The following INTS2 variants were observed in gnomAD, a reference collection of about 807,000 sequenced individuals.
INTS2 encodes the protein KIAA1287.
A neutral mutation model predicts 139.6 loss-of-function variants in INTS2; 57 were observed. The observed-to-expected ratio is 0.41, with a 90% CI of 0.33 to 0.51. INTS2 has a LOEUF of 0.51. INTS2 is among the 20% of genes least tolerant of loss of function. The probability of loss-of-function intolerance (pLI) is 0.28; values close to 1 mark genes in which losing one functional copy is unlikely to be tolerated. For synonymous variants in INTS2, 473 were observed against 493.4 expected (o/e 0.96, Z 0.55); for missense variants, 1,196 against 1,436.7 (o/e 0.83, Z 2.71).
chr17:61,865,817 T>C lies in INTS2; in HGVS notation c.*1740A>G, dbSNP rs994586581. On this transcript the variant is annotated 3_prime_UTR_variant, in exon 25 of 25. Transcript: ENST00000251334. The surrounding 1 kb of genome is among the most constrained non-coding windows in gnomAD (Gnocchi z 4.8). ...TAAGATACTTTTATTACTTTTATTT[T>C]TCACATCAAAATTACTTAATTGAAC... 1 of 152,242 alleles carries C rather than the reference T, an allele frequency of 6.6e-6. No homozygotes were observed. Among genetic ancestry groups the C allele is most frequent in the Non-Finnish European group, 1.5e-5 (1 of 68,040 alleles). 9.4% of individuals were successfully genotyped at this position (152,242 alleles called of 1,614,324 possible).
chr17:61,874,095 A>G (rs2079109322), intron 19 of INTS2: 1 of 152,160 alleles, frequency 6.6e-6, no homozygotes, highest in Non-Finnish European at 1.5e-5. Flanking sequence ...TTAAGTTTAA[A>G]TAAAGCAGTG....
In INTS2 at chr17:61,893,655, A is replaced by G; in HGVS notation, c.1698+110T>C. ...GGTTACAGTGAGCCAAGACTGCACC[A>G]CTGCACTCCAACCTGGGTGACTGAG... is the stretch of plus-strand genomic sequence containing the variant. On this transcript the variant is annotated intron_variant, in intron 13 of 24. Coordinates refer to ENST00000251334, the MANE Select transcript of INTS2 (RefSeq NM_001351695.2). This position sits in a 1 kb window ranked among gnomAD's most constrained non-coding sequence, Gnocchi z 5.4. The G allele has an allele frequency of 2.8e-6, 2 of 715,706 alleles. No homozygotes were observed. Among genetic ancestry groups the G allele is most frequent in the Admixed American group, 7.8e-5 (2 of 25,586 alleles). 44.3% of individuals were successfully genotyped at this position (715,706 alleles called of 1,614,324 possible).
intron 8 of INTS2, among the ~76,000 whole-genome samples, chr17:61,906,963 C>CAA (rs34773307): frequency 0.011 from 854 of 79,812 alleles, 72 homozygotes; most frequent in South Asian, 0.013. Context: ...GATTCCATCT[C>CAA]AAAAAAAAAA....
At chr17:61,891,792 AACTC>A in intron 13 of INTS2, 103 bp from the exon 14 acceptor site, 3 of 809,744 alleles carry the variant, frequency 3.7e-6, no homozygotes, top group East Asian at 2.7e-5. Context: ...GAATCAGTAA[AACTC>A]ACTATTAACT....
intron 5 of INTS2, among the ~76,000 whole-genome samples, chr17:61,913,796 A>G (rs1365625909): frequency 6.6e-6 from 1 of 152,224 alleles, no homozygotes; most frequent in Non-Finnish European, 1.5e-5. Flanking sequence ...ATGGAACTAC[A>G]GAAAGGAATT....
intron 9 of INTS2, among the ~76,000 whole-genome samples, chr17:61,899,255 CTTT>C (rs896715140): frequency 6.6e-6 from 1 of 151,142 alleles, no homozygotes; most frequent in Non-Finnish European, 1.5e-5. Context: ...ATGTTAAGAA[CTTT>C]TTTTTTGTTT....
chr17:61,869,018 T>G lies in INTS2; in HGVS notation c.3244+16A>C, dbSNP rs367992544. 122 of 1,402,140 alleles carry G rather than the reference T, an allele frequency of 8.7e-5. No homozygotes were observed. In the African/African-American group the frequency reaches 1.5e-3, roughly 17 times the overall value. 86.9% of individuals were successfully genotyped at this position (1,402,140 alleles called of 1,614,324 possible). ...AATTTATGTCAGATGTTTGTTGATG[T>G]TGATTGGCTACATACCTGTTAACAA... On this transcript the variant is annotated intron_variant, in intron 23 of 24. Transcript: ENST00000251334. The surrounding 1 kb of genome is among the most constrained non-coding windows in gnomAD (Gnocchi z 5.4).
chr17:61,917,262 C>T (rs8069903), intron 5 of INTS2, among the ~76,000 whole-genome samples: 11,848 of 152,146 alleles, frequency 0.078, 1,577 homozygotes, highest in African/African-American at 0.27. Context: ...AACTACCATT[C>T]GACCCAGCAG....
chr17:61,883,072 G>A (rs1464733101), intron 16 of INTS2, among the ~76,000 whole-genome samples: 1 of 152,052 alleles, frequency 6.6e-6, no homozygotes, highest in East Asian at 1.9e-4. Context: ...AATGCATACA[G>A]GAGTATATAT....
In INTS2 at chr17:61,897,469, C is replaced by A; in HGVS notation, c.1494G>T (p.Lys498Asn). The A allele has an allele frequency of 6.5e-7, 1 of 1,534,344 alleles. No individual in the cohort carries two copies. Among genetic ancestry groups the A allele is most frequent in the Non-Finnish European group, 8.8e-7 (1 of 1,141,986 alleles). ...IDLVCSTLGM[K>N]IVIKPSSLSR... The stretch of plus-strand genomic sequence containing the variant: ...TAGAAAGAAGTTAAAAGAAAATTAC[C>A]TTCATCCCCAAAGTGGAACAGACCA... The change falls in exon 11 of 25, where the codon AAG becomes AAT. Residue 498 changes from lysine (K) to asparagine (N), a missense_variant and splice_region_variant. Physicochemically the swap from Lys to Asn is moderately conservative, Grantham distance 94. This residue lies in a region of INTS2 where 1,129 missense variants were observed against 1,341.9 expected (regional missense o/e 0.84). Coordinates refer to ENST00000251334, the MANE Select transcript of INTS2 (RefSeq NM_001351695.2). The surrounding 1 kb of genome is among the most constrained non-coding windows in gnomAD (Gnocchi z 4.4).
Position 61,927,947 on chromosome 17 carries a change from C to G in INTS2, c.-312G>C. ...CTGCACCCAGCACCTTCATTCATCC[C>G]CAGCGTCTGACTCCCGTCGGCCACC... On this transcript the variant is annotated 5_prime_UTR_variant, in exon 1 of 25. Transcript: ENST00000251334. The G allele has an allele frequency of 6.2e-7, 1 of 1,613,986 alleles. No individual in the cohort carries two copies. The highest frequency in any genetic ancestry group is 8.5e-7 in the Non-Finnish European group (1 of 1,179,898).
chr17:61,920,792 G>A (rs1214148632), intron 4 of INTS2, among the ~76,000 whole-genome samples: 1 of 151,704 alleles, frequency 6.6e-6, no homozygotes, highest in African/African-American at 2.4e-5. Context: ...GACAGAGTGA[G>A]ACTCCATCTC....
chr17:61,904,629 T>C, intron 8 of INTS2, 44 bp from the exon 9 acceptor site: 2 of 1,501,240 alleles, frequency 1.3e-6, no homozygotes, highest in African/African-American at 1.4e-5. Flanking sequence ...TTAGTTGGGA[T>C]GAAGAAGAAA....
Position 61,918,854 on chromosome 17 carries a change from G to T in INTS2, c.649+546C>A, listed in dbSNP as rs375028377. ...TATACATATCCCGTATTGCTCTCTT[G>T]ATATTTCACTGATACATGTATCTTC... On this transcript the variant is annotated intron_variant, in intron 5 of 24. Transcript: ENST00000251334. 4.7e-4 allele frequency among the ~76,000 whole-genome samples: 71 copies of T among 150,400 alleles called. 1 individual carries two copies. The South Asian group carries it at 8.8e-3, about 19-fold the overall frequency.
In INTS2 at chr17:61,907,568, C is replaced by G. The variant is rs1380481291; in HGVS notation, c.1021G>C (p.Gly341Arg). 1 of 1,593,232 alleles carries G rather than the reference C, an allele frequency of 6.3e-7. No homozygotes were observed. Among genetic ancestry groups the G allele is most frequent in the Admixed American group, 1.8e-5 (1 of 56,632 alleles). ...MRRQLLLELM[G>R]ILPTVRSTRI... The stretch of plus-strand genomic sequence containing the variant: ...GTGCTTCTTACTGTGGGAAGAATGC[C>G]CATCAACTCCAGAAGAAGCTGCCTT... Residue 341 changes from glycine (G) to arginine (R), a missense_variant, in exon 8 of 25, where the codon GGC becomes CGC. Gly to Arg is a moderately radical substitution (Grantham distance 125). Coordinates refer to ENST00000251334, the MANE Select transcript of INTS2 (RefSeq NM_001351695.2).
Position 61,872,241 on chromosome 17 carries a change from AAATTTTACTTTAGC to A in INTS2, c.2778+10_2778+23del. 6.3e-7 allele frequency: 1 copy of A among 1,588,966 alleles called. No homozygotes were observed. Among genetic ancestry groups the A allele is most frequent in the Non-Finnish European group, 8.6e-7 (1 of 1,161,792 alleles). ...AGAGAAGCCCTTGCTCTTTTTGACT[AAATTTTACTTTAGC>A]AAAATTTACCTGAGCGGCCAGTAAT... On this transcript the variant is annotated intron_variant, in intron 20 of 24. Coordinates refer to ENST00000251334, the MANE Select transcript of INTS2 (RefSeq NM_001351695.2). The surrounding 1 kb of genome is among the most constrained non-coding windows in gnomAD (Gnocchi z 4.8).
intron 8 of INTS2, among the ~76,000 whole-genome samples, chr17:61,904,886 G>T (rs1291437580): frequency 6.6e-6 from 1 of 151,276 alleles, no homozygotes; most frequent in Admixed American, 6.6e-5. Context: ...AAGTATGGTT[G>T]TACTGTAGCC....
At chr17:61,891,871 A>T (rs4968457) in intron 13 of INTS2, among the ~76,000 whole-genome samples, 182 bp from the exon 14 acceptor site, 42,148 of 151,822 alleles carry the variant, frequency 0.28, 7,516 homozygotes, top group East Asian at 0.53. Flanking sequence ...ATGAACTACC[A>T]TTATATCTGT....
chr17:61,891,053 G>C (rs954442662), intron 14 of INTS2, among the ~76,000 whole-genome samples: 1 of 151,288 alleles, frequency 6.6e-6, no homozygotes, highest in Non-Finnish European at 1.5e-5. Context: ...CAGCACTTTG[G>C]GAGGCTGAGG....
Sources: allele counts gnomAD v4.1 joint callset (sites outside exome capture counted in the v4.1 genomes callset), GRCh38; gene constraint gnomAD v4.1.1; regional missense constraint gnomAD v4.1.1; non-coding constraint Gnocchi (gnomAD v3.1); transcripts MANE v1.5; gene names NCBI Gene and HGNC (gene_info 2026-07-23, HGNC 2026-07-21).